Variants in ZXDC observed in about 807,000 individuals in gnomAD.
The protein encoded by ZXDC is ZXD family zinc finger C, also known as zinc finger protein ZXDC.
ZXDC carries 58 observed loss-of-function variants against 63.6 expected under a neutral mutation model. The ratio of observed to expected loss-of-function variants is 0.91; its 90% CI spans 0.74 to 1.13. ZXDC has a LOEUF of 1.13. Ranked by LOEUF, ZXDC falls within the 50% of genes most tolerant of loss-of-function variation. ZXDC has a pLI of 0.00. For synonymous variants in ZXDC, 561 were observed against 496.1 expected, an observed-to-expected ratio of 1.13 and a Z score of -1.74; for missense variants, 1,133 against 1,148.9, an observed-to-expected ratio of 0.99 and a Z score of 0.20.
At position 126,438,052 on chromosome 3, in the gene ZXDC, C is replaced by G. The variant is rs1933527233; in HGVS notation, c.*323G>C. 1 of 336,168 alleles carries G rather than the reference C, an allele frequency of 3.0e-6. No individual in the cohort carries two copies. Among genetic ancestry groups the G allele is most frequent in the African/African-American group, 2.2e-5 (1 of 46,474 alleles). 20.8% of individuals were successfully genotyped at this position (336,168 alleles called of 1,614,324 possible). ...CCCTATTTCCTGCAGAAGTCTTTTT[C>G]TTTGTAATGCAACAAGTGCTACACA... On this transcript the variant is annotated 3_prime_UTR_variant, in exon 10 of 10. Transcript: ENST00000389709.
intron 5 of ZXDC, among the ~76,000 whole-genome samples, chr3:126,463,461 C>A (rs989964222): frequency 6.6e-6 from 1 of 152,170 alleles, no homozygotes; most frequent in Non-Finnish European, 1.5e-5. Flanking sequence ...TATTCAACTA[C>A]GTAATTTAAA....
intron 7 of ZXDC, among the ~76,000 whole-genome samples, chr3:126,456,476 T>C (rs1271995819): frequency 2.6e-5 from 4 of 152,116 alleles, no homozygotes; most frequent in Non-Finnish European, 5.9e-5. Flanking sequence ...TGGGCTTCCC[T>C]GGGGGGCAAT....
At chr3:126,464,078 T>C (rs1348640122) in intron 5 of ZXDC, among the ~76,000 whole-genome samples, 1 of 152,198 alleles carries the variant, frequency 6.6e-6, no homozygotes, top group East Asian at 1.9e-4. Flanking sequence ...CTTGACTCTC[T>C]TGAGGACTCA....
chr3:126,461,897 T>C lies in ZXDC; in HGVS notation c.1765A>G (p.Thr589Ala). 2 of 1,614,206 alleles carry C rather than the reference T, an allele frequency of 1.2e-6. No homozygotes were observed. The highest frequency in any genetic ancestry group is 1.3e-5 in the African/African-American group (1 of 75,054). The change falls in exon 6 of 10, where the codon ACG becomes GCG. Residue 589 changes from threonine (T) to alanine (A), a missense_variant. Thr to Ala is a moderately conservative substitution (Grantham distance 58, BLOSUM62 0). Transcript: ENST00000389709. ...DSPLVLGTAA[T>A]VLQQGSFSVD... ...CTGAAGCTGCCCTGCTGCAGAACCG[T>C]GGCTGCTGTCCCGAGAACCAGAGGG...
At chr3:126,469,098 A>G (rs916502401) in intron 4 of ZXDC, among the ~76,000 whole-genome samples, 1 of 152,240 alleles carries the variant, frequency 6.6e-6, no homozygotes, top group African/African-American at 2.4e-5. Flanking sequence ...GAAGAGGCAC[A>G]GAGAGCTTCA....
At chr3:126,466,475 C>A (rs750513973) in intron 4 of ZXDC, 150 bp from the exon 5 acceptor site, 3 of 804,534 alleles carry the variant, frequency 3.7e-6, no homozygotes, top group Admixed American at 2.8e-5. Flanking sequence ...CTAGAAGTAG[C>A]ATCACAAGCA....
chr3:126,453,602 A>G, intron 7 of ZXDC: 1 of 985,490 alleles, frequency 1.0e-6, no homozygotes, highest in Non-Finnish European at 1.2e-6. Flanking sequence ...ACAAAGGAGA[A>G]AGCTGAACGT....
chr3:126,439,227 C>T (rs573016375), intron 9 of ZXDC, among the ~76,000 whole-genome samples: 177 of 152,254 alleles, frequency 1.2e-3, no homozygotes, highest in Non-Finnish European at 2.1e-3. Context: ...ATAAGCTATA[C>T]GCTTTCGCTA....
At position 126,472,111 on chromosome 3, in the gene ZXDC, C is replaced by G. The variant is rs776110474; in HGVS notation, c.1060+42G>C. On this transcript the variant is annotated intron_variant, in intron 2 of 9. Coordinates refer to ENST00000389709, the MANE Select transcript of ZXDC (RefSeq NM_025112.5). The stretch of plus-strand genomic sequence containing the variant: ...ACAACTCCAACAGCTACGATGAAGA[C>G]AAATCTTGGGTCCAAATGCTGTGCG... 11 of 1,608,806 alleles carry G rather than the reference C, an allele frequency of 6.8e-6. No homozygotes were observed. The South Asian group carries it at 1.1e-4, about 16-fold the overall frequency.
At chr3:126,473,515 G>T (rs1402952653) in intron 1 of ZXDC, among the ~76,000 whole-genome samples, 4 of 152,172 alleles carry the variant, frequency 2.6e-5, no homozygotes, top group African/African-American at 9.7e-5. Flanking sequence ...AAGCAGGCGG[G>T]ATCCCTGACC....
In ZXDC at chr3:126,475,148, A is replaced by G; in HGVS notation, c.718T>C (p.Cys240Arg). Residue 240 changes from cysteine to arginine, a missense_variant, in exon 1 of 10, where the codon TGT (cysteine) becomes CGT (arginine). Physicochemically the swap from Cys to Arg is radical, Grantham distance 180. Transcript: ENST00000389709. ...QSHDKLRPFGCPVGGCGKKFT... is the reference protein window; with the variant it reads ...QSHDKLRPFGRPVGGCGKKFT... ...TTCTTGCCACAGCCGCCCACTGGACAGCCGAAGGGCCGCAGCTTGTCGTGC... is the reference window on the plus strand; with the variant it reads ...TTCTTGCCACAGCCGCCCACTGGACGGCCGAAGGGCCGCAGCTTGTCGTGC... The G allele has an allele frequency of 6.2e-7, 1 of 1,608,514 alleles. No individual in the cohort carries two copies. The highest frequency in any genetic ancestry group is 8.5e-7 in the Non-Finnish European group (1 of 1,177,512).
intron 5 of ZXDC, among the ~76,000 whole-genome samples, chr3:126,462,817 C>G (rs951124492): frequency 6.6e-6 from 1 of 152,212 alleles, no homozygotes; most frequent in Non-Finnish European, 1.5e-5. Context: ...AACTGGCTGC[C>G]TGGCAAAGCC....
At chr3:126,455,156 T>G in intron 7 of ZXDC, 1 of 946,672 alleles carries the variant, frequency 1.1e-6, no homozygotes, top group Non-Finnish European at 1.3e-6. Flanking sequence ...AAACCCAATT[T>G]TTTTTCCCTA....
intron 5 of ZXDC, 126 bp downstream of exon 5, chr3:126,466,029 G>C (rs1576685837): frequency 8.8e-7 from 1 of 1,136,296 alleles, no homozygotes; most frequent in South Asian, 1.6e-5. Flanking sequence ...ACTTGGCTTG[G>C]CAGCCACGCC....
At position 126,470,663 on chromosome 3, in the gene ZXDC, G is replaced by C. The variant is rs141521087; in HGVS notation, c.1270+232C>G. ...CCAAATTAAACAGGTAACTTAACTA[G>C]AGCCACAGATCTAATGAGGATCAGG... On this transcript the variant is annotated intron_variant, in intron 4 of 9. Transcript: ENST00000389709. Among the ~76,000 whole-genome samples the C allele has an allele frequency of 1.8e-3, 270 of 152,230 alleles. 2 individuals are homozygous for C. The highest frequency in any genetic ancestry group is 0.01 in the Middle Eastern group (3 of 294).
chr3:126,451,977 C>G, intron 7 of ZXDC: 1 of 985,408 alleles, frequency 1.0e-6, no homozygotes, highest in Non-Finnish European at 1.2e-6. Flanking sequence ...CTCTTCATGC[C>G]TTAGAAAAAC....
At chr3:126,461,058 G>T in intron 6 of ZXDC, 1 of 984,906 alleles carries the variant, frequency 1.0e-6, no homozygotes, top group Non-Finnish European at 1.2e-6. Context: ...AATCCTCCAA[G>T]AACTAAGGCT....
At chr3:126,466,635 T>G (rs113628535) in intron 4 of ZXDC, among the ~76,000 whole-genome samples, 305 of 152,368 alleles carry the variant, frequency 2.0e-3, no homozygotes, top group African/African-American at 7.1e-3. Flanking sequence ...TTAAGTCAAA[T>G]TAAGTATTAA....
At chr3:126,459,403 C>G in intron 7 of ZXDC, 1 of 985,462 alleles carries the variant, frequency 1.0e-6, no homozygotes, top group Non-Finnish European at 1.2e-6. Context: ...GTAACTGACA[C>G]TGGTGTTTGA....
Sources: gnomAD v4.1 joint callset for allele counts (sites outside exome capture counted in the v4.1 genomes callset) on GRCh38, gnomAD v4.1.1 for gene constraint, MANE v1.5 for transcripts, NCBI Gene and HGNC (gene_info 2026-07-23, HGNC 2026-07-21) for gene names.